Variants in BIN2 observed in about 807,000 individuals in gnomAD.
The protein encoded by BIN2 is bridging integrator 2.
Under a neutral mutation model 67.9 loss-of-function variants are expected in BIN2, and 43 were observed. The observed-to-expected ratio is 0.63, with a 90% CI of 0.50 to 0.82. The LOEUF (loss-of-function observed/expected upper bound fraction) is 0.82. Ranked by LOEUF, BIN2 falls within the 40% of genes least tolerant of loss-of-function variation. BIN2 has a pLI of 0.00. For missense variants in BIN2, 581 were observed against 671.6 expected (o/e 0.87, Z 1.49); for synonymous variants, 244 against 246.8 (o/e 0.99, Z 0.11).
At chr12:51,302,481 T>C (rs1945751722) in intron 4 of BIN2, 2 of 569,190 alleles carry the variant, frequency 3.5e-6, no homozygotes, top group African/African-American at 1.9e-5. Flanking sequence ...GGGTCAAAAT[T>C]AGAGGGATCC....
In BIN2 at chr12:51,281,519, T is replaced by G; in HGVS notation, c.1678A>C (p.Ser560Arg). ...TCTCTTCAGAGTTGTGGATTTTCAC[T>G]TGTGGATACCTGGAAAGTAAACATG... The part of the protein sequence containing the change: ...APEPQEEVST[S>R]ENPQL Residue 560 changes from serine (S) to arginine (R), a missense_variant, in exon 13 of 13, where the codon AGT (serine) becomes CGT (arginine). Transcript: ENST00000615107. 1 of 1,614,162 alleles carries G rather than the reference T, an allele frequency of 6.2e-7. No homozygotes were observed. Among genetic ancestry groups the G allele is most frequent in the Non-Finnish European group, 8.5e-7 (1 of 1,180,014 alleles).
chr12:51,291,544 A>C, intron 10 of BIN2, 47 bp downstream of exon 10: 1 of 1,512,428 alleles, frequency 6.6e-7, no homozygotes, highest in African/African-American at 1.4e-5. Context: ...CCCTAGCTTA[A>C]ATAAATAAAT....
chr12:51,313,372 C>G (rs567976327), intron 2 of BIN2, among the ~76,000 whole-genome samples: 1 of 151,600 alleles, frequency 6.6e-6, no homozygotes, highest in South Asian at 2.1e-4. Context: ...GAGTTTCACT[C>G]TTGTCACCCA....
At chr12:51,284,933 G>C (rs563580728) in intron 11 of BIN2, 146 bp from the exon 12 acceptor site, 1 of 606,422 alleles carries the variant, frequency 1.6e-6, no homozygotes, top group African/African-American at 1.8e-5. Context: ...TTTCACCAGA[G>C]CCTGAAGGCA....
At chr12:51,313,597 T>C (rs1250327915) in intron 2 of BIN2, among the ~76,000 whole-genome samples, 2 of 152,042 alleles carry the variant, frequency 1.3e-5, no homozygotes, top group Non-Finnish European at 2.9e-5. Context: ...CGCCTCGCCC[T>C]CCCAAAGTGT....
At chr12:51,290,360 C>T (rs573731987) in intron 10 of BIN2, among the ~76,000 whole-genome samples, 3 of 151,624 alleles carry the variant, frequency 2.0e-5, no homozygotes, top group Admixed American at 6.6e-5. Flanking sequence ...AACTCCTGGC[C>T]TCAAGTGATC....
chr12:51,314,014 G>A (rs1946061619), intron 1 of BIN2, 111 bp from the exon 2 acceptor site: 2 of 437,700 alleles, frequency 4.6e-6, no homozygotes. Flanking sequence ...CTCAAGGGCT[G>A]TACTTATTTA....
At chr12:51,302,958 AT>A in intron 3 of BIN2, 128 bp downstream of exon 3, 1 of 1,233,488 alleles carries the variant, frequency 8.1e-7, no homozygotes, top group East Asian at 2.3e-5. Flanking sequence ...AGCCCACAAA[AT>A]TCCAGGAGTC....
chr12:51,311,570 G>A (rs115038997), intron 2 of BIN2, among the ~76,000 whole-genome samples: 19,905 of 151,714 alleles, frequency 0.13, 1,442 homozygotes, highest in East Asian at 0.24. Flanking sequence ...TTGTAGAGAC[G>A]GGATCTTGCT....
intron 10 of BIN2, among the ~76,000 whole-genome samples, chr12:51,289,151 T>G (rs1325158547): frequency 6.6e-6 from 1 of 152,098 alleles, no homozygotes; most frequent in South Asian, 2.1e-4. Context: ...CACAATACTT[T>G]TTTCCCATCC....
intron 1 of BIN2, among the ~76,000 whole-genome samples, chr12:51,318,933 T>C (rs989965977): frequency 4.0e-5 from 6 of 151,322 alleles, no homozygotes; most frequent in African/African-American, 1.4e-4. Flanking sequence ...TGGCCATATC[T>C]GTTTTTGTCC....
chr12:51,293,052 T>C (rs1269037812), intron 9 of BIN2, among the ~76,000 whole-genome samples: 1 of 151,958 alleles, frequency 6.6e-6, no homozygotes, highest in Non-Finnish European at 1.5e-5. Flanking sequence ...ATAAGGTATC[T>C]TTAAACAGAA....
At chr12:51,319,346 C>T (rs983224911) in intron 1 of BIN2, among the ~76,000 whole-genome samples, 1 of 152,138 alleles carries the variant, frequency 6.6e-6, no homozygotes, top group Non-Finnish European at 1.5e-5. Flanking sequence ...CTGAAACATA[C>T]CCCAGTACTC....
intron 1 of BIN2, among the ~76,000 whole-genome samples, chr12:51,315,395 A>G (rs534280750): frequency 2.0e-5 from 3 of 152,200 alleles, no homozygotes; most frequent in Non-Finnish European, 2.9e-5. Flanking sequence ...GATAATCTCT[A>G]TCTCCTGACC....
chr12:51,320,627 CATT>C (rs1303722810), intron 1 of BIN2, among the ~76,000 whole-genome samples: 5 of 133,614 alleles, frequency 3.7e-5, no homozygotes, highest in Non-Finnish European at 7.9e-5. Flanking sequence ...ATTTTATTAT[CATT>C]ATTCTTTTTT....
Position 51,281,289 on chromosome 12 carries a change from A to T in BIN2, c.*210T>A. 3.3e-6 allele frequency: 2 copies of T among 597,102 alleles called. No individual in the cohort carries two copies. Among genetic ancestry groups the T allele is most frequent in the East Asian group, 2.8e-5 (1 of 35,964 alleles). The allele number at this position is 597,102 out of a possible 1,614,324, so 37.0% of individuals were successfully genotyped here. On this transcript the variant is annotated 3_prime_UTR_variant, in exon 13 of 13. Transcript: ENST00000615107. ...CCAGAATTAAATATTCCCTGAGTCTAATGTTCTCTTCTCCCCAGCCTGCCT... is the reference window on the plus strand; with the variant it reads ...CCAGAATTAAATATTCCCTGAGTCTTATGTTCTCTTCTCCCCAGCCTGCCT...
At chr12:51,315,671 G>C (rs1036327053) in intron 1 of BIN2, among the ~76,000 whole-genome samples, 13 of 152,148 alleles carry the variant, frequency 8.5e-5, no homozygotes, top group Non-Finnish European at 1.6e-4. Flanking sequence ...GTTGGGCAGG[G>C]ACACTTCTCT....
At chr12:51,320,634 CTTTT>C (rs76824967) in intron 1 of BIN2, among the ~76,000 whole-genome samples, 2,865 of 98,714 alleles carry the variant, frequency 0.029, 89 homozygotes, top group East Asian at 0.18. Flanking sequence ...TATCATTATT[CTTTT>C]TTTTTTTTTT....
intron 8 of BIN2, 71 bp downstream of exon 8, chr12:51,297,018 G>C: frequency 7.2e-7 from 1 of 1,385,462 alleles, no homozygotes; most frequent in African/African-American, 1.4e-5. Flanking sequence ...AAGAAATCAT[G>C]TAAGTCAAGG....
Sources: allele counts gnomAD v4.1 joint callset (sites outside exome capture counted in the v4.1 genomes callset), GRCh38; gene constraint gnomAD v4.1.1; transcripts MANE v1.5; gene names NCBI Gene and HGNC (gene_info 2026-07-23, HGNC 2026-07-21).